Variants in RAPH1 observed in about 807,000 individuals in gnomAD.
RAPH1 encodes the protein ras-associated and pleckstrin homology domains-containing protein 1.
In RAPH1, 18 loss-of-function variants were observed where a neutral mutation model predicts 88.1. The observed-to-expected ratio is 0.20, with a 90% CI of 0.14 to 0.30. RAPH1 has a LOEUF of 0.30. RAPH1 is among the 10% of genes least tolerant of loss of function. The pLI, the probability that RAPH1 is intolerant of heterozygous loss-of-function variation, is 1.00. For missense variants in RAPH1, 1,448 were observed against 1,543.2 expected (o/e 0.94, Z 1.03); for synonymous variants, 587 against 559.0 (o/e 1.05, Z -0.71).
chr2:203,438,398 T>C lies in RAPH1; in HGVS notation c.*1039A>G, dbSNP rs2098500204. 2 of 347,744 alleles carry C rather than the reference T, an allele frequency of 5.8e-6. No individual in the cohort carries two copies. Among genetic ancestry groups the C allele is most frequent in the East Asian group, 7.6e-5 (1 of 13,130 alleles). The allele number at this position is 347,744 out of a possible 1,614,324, so 21.5% of individuals were successfully genotyped here. ...TGATTTTGTTTTTCATAATGCACCA[T>C]ATTGGGGCACAGGATGTGTATATTT... On this transcript the variant is annotated 3_prime_UTR_variant, in exon 14 of 14. Coordinates refer to ENST00000319170, the MANE Select transcript of RAPH1 (RefSeq NM_213589.3).
intron 4 of RAPH1, among the ~76,000 whole-genome samples, chr2:203,481,973 C>A (rs1438367603): frequency 6.6e-6 from 1 of 150,486 alleles, no homozygotes; most frequent in African/African-American, 2.4e-5. Context: ...AAAACAAAAA[C>A]AGACCTAAAC....
chr2:203,446,887 G>T, intron 12 of RAPH1: 1 of 147,556 alleles, frequency 6.8e-6, no homozygotes. Flanking sequence ...AGGACTATGT[G>T]TACTACTAAG....
chr2:203,489,000 T>C (rs1009543572), intron 4 of RAPH1, among the ~76,000 whole-genome samples: 2 of 152,080 alleles, frequency 1.3e-5, no homozygotes, highest in Admixed American at 1.3e-4. Context: ...GGTGAGCGCC[T>C]GTAATCCCAG....
intron 1 of RAPH1, among the ~76,000 whole-genome samples, chr2:203,533,651 C>T (rs565734640): frequency 1.3e-5 from 2 of 152,212 alleles, no homozygotes; most frequent in East Asian, 3.9e-4. Flanking sequence ...ATTAATCTCT[C>T]TTCTTCGCTC....
At chr2:203,495,389 G>C in intron 1 of RAPH1, 36 bp from the exon 2 acceptor site, 1 of 1,610,726 alleles carries the variant, frequency 6.2e-7, no homozygotes, top group Non-Finnish European at 8.5e-7. Flanking sequence ...TGAATAGTAA[G>C]TTACAGGTTT....
At chr2:203,509,243 G>A (rs1167557297) in intron 1 of RAPH1, among the ~76,000 whole-genome samples, 1 of 151,494 alleles carries the variant, frequency 6.6e-6, no homozygotes, top group East Asian at 1.9e-4. Context: ...ACTAATTTTT[G>A]TATTTTTATA....
At chr2:203,521,505 T>C (rs1206514327) in intron 1 of RAPH1, among the ~76,000 whole-genome samples, 1 of 152,092 alleles carries the variant, frequency 6.6e-6, no homozygotes, top group Non-Finnish European at 1.5e-5. Context: ...TGGAGGAAGA[T>C]TTTCATTGTA....
chr2:203,468,474 C>T (rs1049296340), intron 4 of RAPH1, among the ~76,000 whole-genome samples: 6 of 152,188 alleles, frequency 3.9e-5, no homozygotes, highest in Non-Finnish European at 8.8e-5. Flanking sequence ...ATATTACCCT[C>T]CTAGAACCCG....
At chr2:203,444,040 GGGAA>G (rs2098506762) in intron 13 of RAPH1, 2 of 141,970 alleles carry the variant, frequency 1.4e-5, no homozygotes, top group South Asian at 4.9e-4. Context: ...AGGAAAGGAA[GGGAA>G]GGAAGGGAGA....
intron 2 of RAPH1, among the ~76,000 whole-genome samples, chr2:203,494,957 G>A (rs556462750): frequency 6.6e-6 from 1 of 151,996 alleles, no homozygotes; most frequent in South Asian, 2.1e-4. Flanking sequence ...AAAGTTTTTA[G>A]CTAATTATCT....
chr2:203,533,378 C>T (rs1050686886), intron 1 of RAPH1: 2 of 152,158 alleles, frequency 1.3e-5, no homozygotes, highest in Non-Finnish European at 2.9e-5. Flanking sequence ...AGTAGGGCTG[C>T]ATCTGGTTTC....
chr2:203,491,904 T>C (rs1046873043), intron 2 of RAPH1, among the ~76,000 whole-genome samples: 3 of 152,316 alleles, frequency 2.0e-5, no homozygotes, highest in African/African-American at 7.2e-5. Flanking sequence ...TTTATATACA[T>C]GCACTATAAA....
At position 203,440,642 on chromosome 2, in the gene RAPH1, G is replaced by A; in HGVS notation, c.2548C>T (p.Pro850Ser). ...ACCGGTGACAGTGGAGAGGGAGGGG[G>A]TTTTGCACAGAAGCTCTGTTGCTTG... ...LPKQQSFCAK[P>S]PPSPLSPVPS... is the part of the protein sequence containing the mutation. The change falls in exon 14 of 14, where the codon CCC (proline) becomes TCC (serine). Residue 850 changes from proline to serine, a missense_variant. Around this residue, in one of 2 missense-constraint regions of RAPH1, gnomAD observed 935 missense variants for 890.1 expected, o/e 1.05. Coordinates refer to ENST00000319170, the MANE Select transcript of RAPH1 (RefSeq NM_213589.3). The A allele has an allele frequency of 1.9e-6, 3 of 1,544,194 alleles. No homozygotes were observed. The highest frequency in any genetic ancestry group is 2.6e-6 in the Non-Finnish European group (3 of 1,139,924).
Position 203,448,017 on chromosome 2 carries a change from A to G in RAPH1, c.1575T>C (p.Asp525=), listed in dbSNP as rs1402798365. The G allele has an allele frequency of 1.9e-6, 3 of 1,613,858 alleles. No individual in the cohort carries two copies. Among genetic ancestry groups the G allele is most frequent in the African/African-American group, 1.3e-5 (1 of 74,936 alleles). Residue 525 remains aspartate, a synonymous_variant, in exon 12 of 14, where the codon GAT becomes GAC. Coordinates refer to ENST00000319170, the MANE Select transcript of RAPH1 (RefSeq NM_213589.3). The surrounding 1 kb of genome is among the most constrained non-coding windows in gnomAD (Gnocchi z 4.1). ...EALKRTESAY[D]WTSLSSSSIK... ...TGCTGGAGCTGGATAAGGAAGTCCA[A>G]TCATAGGCTGACTCTGTCCTCTTCA...
chr2:203,488,524 T>C (rs1291069690), intron 4 of RAPH1, among the ~76,000 whole-genome samples: 2 of 141,080 alleles, frequency 1.4e-5, no homozygotes, highest in African/African-American at 5.4e-5. Context: ...GGAGGCAAGG[T>C]TGCAGTGAGC....
chr2:203,503,339 G>A (rs952272763), intron 1 of RAPH1, among the ~76,000 whole-genome samples: 1 of 152,116 alleles, frequency 6.6e-6, no homozygotes, highest in African/African-American at 2.4e-5. Flanking sequence ...GGAAGAAAGA[G>A]GTTTAACTGG....
chr2:203,482,789 C>T (rs1272064979), intron 4 of RAPH1, among the ~76,000 whole-genome samples: 32 of 150,990 alleles, frequency 2.1e-4, no homozygotes, highest in Admixed American at 1.7e-3. Context: ...GGTGACAGAA[C>T]GAGAATCTGT....
chr2:203,479,304 T>C (rs1687612784), intron 4 of RAPH1, among the ~76,000 whole-genome samples: 2 of 152,120 alleles, frequency 1.3e-5, no homozygotes, highest in African/African-American at 4.8e-5. Flanking sequence ...GGCTAAACTT[T>C]CTAAAAGCCT....
chr2:203,532,437 A>G (rs1325006696), intron 1 of RAPH1, among the ~76,000 whole-genome samples: 1 of 152,314 alleles, frequency 6.6e-6, no homozygotes, highest in East Asian at 1.9e-4. Flanking sequence ...TTCAAAGAGT[A>G]TATGTGTGTG....
Sources: allele counts gnomAD v4.1 joint callset (sites outside exome capture counted in the v4.1 genomes callset), GRCh38; gene constraint gnomAD v4.1.1; regional missense constraint gnomAD v4.1.1; non-coding constraint Gnocchi (gnomAD v3.1); transcripts MANE v1.5; gene names NCBI Gene and HGNC (gene_info 2026-07-23, HGNC 2026-07-21).